Variants in ANKRD31 observed in about 807,000 individuals in gnomAD.
ANKRD31 encodes the protein ankyrin repeat domain-containing protein 31.
Under a neutral mutation model 186.0 loss-of-function variants are expected in ANKRD31, and 147 were observed. That is an observed-to-expected ratio of 0.79 (90% CI 0.69 to 0.91). ANKRD31 has a LOEUF of 0.91. ANKRD31 is among the 40% of genes least tolerant of loss of function. ANKRD31 has a pLI of 0.00. For missense variants in ANKRD31, 1,986 were observed against 2,148.8 expected (o/e 0.92, Z 1.50); for synonymous variants, 673 against 736.4 (o/e 0.91, Z 1.39).
At chr5:75,098,125 T>C (rs891136500) in intron 22 of ANKRD31, among the ~76,000 whole-genome samples, 2 of 152,054 alleles carry the variant, frequency 1.3e-5, no homozygotes, top group African/African-American at 4.8e-5. Context: ...CCCGAGTAGC[T>C]GGGACTACAG....
intron 25 of ANKRD31, among the ~76,000 whole-genome samples, chr5:75,076,637 C>T (rs1744672630): frequency 6.6e-6 from 1 of 152,290 alleles, no homozygotes; most frequent in Non-Finnish European, 1.5e-5. Context: ...AAATCTTTAG[C>T]CCCTCTCTCC....
intron 17 of ANKRD31, among the ~76,000 whole-genome samples, chr5:75,122,791 A>G (rs777234340): frequency 6.6e-6 from 1 of 152,150 alleles, no homozygotes; most frequent in East Asian, 1.9e-4. Context: ...ACCTCAAAAT[A>G]ATAAAGGCCA....
At chr5:75,071,749 C>T (rs1255140414) in intron 25 of ANKRD31, among the ~76,000 whole-genome samples, 2 of 152,072 alleles carry the variant, frequency 1.3e-5, no homozygotes, top group Non-Finnish European at 1.5e-5. Flanking sequence ...CTGCCCACCT[C>T]GGCCTCCCAA....
chr5:75,092,828 A>T (rs1204315906), intron 22 of ANKRD31, among the ~76,000 whole-genome samples: 1 of 152,206 alleles, frequency 6.6e-6, no homozygotes, highest in Non-Finnish European at 1.5e-5. Flanking sequence ...TGTTCAAGGA[A>T]CTAAAGAAAA....
chr5:75,119,735 T>C (rs1748599489), intron 17 of ANKRD31, among the ~76,000 whole-genome samples: 1 of 152,230 alleles, frequency 6.6e-6, no homozygotes, highest in Non-Finnish European at 1.5e-5. Flanking sequence ...TTCTCTTTTC[T>C]TCACAACCTT....
intron 25 of ANKRD31, among the ~76,000 whole-genome samples, chr5:75,076,418 A>T (rs960494203): frequency 6.6e-6 from 1 of 152,198 alleles, no homozygotes; most frequent in African/African-American, 2.4e-5. Context: ...TTACTGGTTT[A>T]TTATAGAAGA....
At chr5:75,139,167 C>T (rs1027745738) in intron 15 of ANKRD31, among the ~76,000 whole-genome samples, 184 bp from the exon 16 acceptor site, 4 of 152,154 alleles carry the variant, frequency 2.6e-5, no homozygotes, top group Non-Finnish European at 4.4e-5. Context: ...CATCTAAGCA[C>T]ATTACTTTGT....
At chr5:75,117,631 T>G (rs1748408651) in intron 18 of ANKRD31, among the ~76,000 whole-genome samples, 1 of 43,546 alleles carries the variant, frequency 2.3e-5, no homozygotes, top group Non-Finnish European at 3.5e-5. Context: ...AGTCAAGGTT[T>G]GAGCATGAGG....
intron 17 of ANKRD31, among the ~76,000 whole-genome samples, chr5:75,135,163 C>T (rs1750460763): frequency 6.6e-6 from 1 of 152,080 alleles, no homozygotes; most frequent in South Asian, 2.1e-4. Flanking sequence ...GAAGTTCTGG[C>T]CAGGGCAATC....
rs1750800921 is a variant in ANKRD31, at chr5:75,138,826, T to G, written c.3733+20A>C. The G allele has an allele frequency of 1.3e-6, 2 of 1,531,514 alleles. No homozygotes were observed. Among genetic ancestry groups the G allele is most frequent in the Non-Finnish European group, 1.7e-6 (2 of 1,144,064 alleles). The allele number at this position is 1,531,514 out of a possible 1,614,324, so 94.9% of individuals were successfully genotyped here. On this transcript the variant is annotated intron_variant, in intron 16 of 25. Transcript: ENST00000506364. The stretch of plus-strand genomic sequence containing the variant: ...AGTGAGTTCAAATTATAAAGGTAAT[T>G]AAATTAAAAGGATCCAAACCTGCAT...
At position 75,080,601 on chromosome 5, in the gene ANKRD31, T is replaced by C; in HGVS notation, c.5614A>G (p.Lys1872Glu). Residue 1872 changes from lysine to glutamate, a missense_variant, in exon 25 of 26, where the codon AAA (lysine) becomes GAA (glutamate). By Grantham distance (56) the Lys-to-Glu change is moderately conservative (BLOSUM62 1). Coordinates refer to ENST00000506364, the MANE Select transcript of ANKRD31 (RefSeq NM_001372053.1). ...CLDDPVQEPN[K>E]SMFEKTKFGQ... ...AATTTTGTTTTCTCAAACATTGATT[T>C]GTTTGGTTCCTGTACTGGGTCATCT... The C allele has an allele frequency of 6.5e-7, 1 of 1,530,478 alleles. No individual in the cohort carries two copies. Among genetic ancestry groups the C allele is most frequent in the South Asian group, 1.2e-5 (1 of 81,408 alleles). 94.8% of individuals were successfully genotyped at this position (1,530,478 alleles called of 1,614,324 possible). A position where few individuals can be genotyped will look rare whatever the true frequency, so the allele number is the denominator to read the frequency against.
intron 4 of ANKRD31, among the ~76,000 whole-genome samples, chr5:75,210,360 G>A (rs1197792641): frequency 6.6e-6 from 1 of 152,160 alleles, no homozygotes; most frequent in Non-Finnish European, 1.5e-5. Flanking sequence ...TTTTATTAGA[G>A]ATGGGGTTTC....
At chr5:75,118,583 C>A (rs1748489860) in intron 17 of ANKRD31, among the ~76,000 whole-genome samples, 1 of 152,042 alleles carries the variant, frequency 6.6e-6, no homozygotes, top group Non-Finnish European at 1.5e-5. Context: ...TCGGTACTGC[C>A]CAGTAGAATT....
Position 75,182,864 on chromosome 5 carries a change from A to G in ANKRD31, c.1564+5629T>C, listed in dbSNP as rs367704252. Among the ~76,000 whole-genome samples the G allele has an allele frequency of 2.0e-5, 3 of 152,330 alleles. No homozygotes were observed. In the South Asian group the frequency reaches 6.2e-4, roughly 32 times the overall value. On this transcript the variant is annotated intron_variant, in intron 10 of 25. Transcript: ENST00000506364. The stretch of plus-strand genomic sequence containing the variant: ...ATATGGCTTCCAAGGAAAAGCCAGT[A>G]TCCTATTTTAAAGTTACTGAAGAAA...
chr5:75,198,632 T>C (rs1033682990), intron 6 of ANKRD31, among the ~76,000 whole-genome samples: 2 of 152,158 alleles, frequency 1.3e-5, no homozygotes, highest in South Asian at 2.1e-4. Context: ...ATATAGTTAG[T>C]AAATAATGAG....
chr5:75,091,468 G>T (rs1401313252), intron 22 of ANKRD31, 67 bp from the exon 23 acceptor site: 3 of 1,452,720 alleles, frequency 2.1e-6, no homozygotes, highest in Middle Eastern at 1.8e-4. Flanking sequence ...TTTGCTTCTG[G>T]CCATGACAAA....
At chr5:75,219,088 A>G (rs1462667265) in intron 3 of ANKRD31, among the ~76,000 whole-genome samples, 2 of 152,196 alleles carry the variant, frequency 1.3e-5, no homozygotes, top group Non-Finnish European at 2.9e-5. Context: ...CAAAATAAGG[A>G]TGCCCTCTCT....
At chr5:75,086,346 CAG>C (rs1367486354) in intron 23 of ANKRD31, among the ~76,000 whole-genome samples, 7 of 152,240 alleles carry the variant, frequency 4.6e-5, no homozygotes, top group South Asian at 4.1e-4. Context: ...TCAGAATGAA[CAG>C]ACACTAGATC....
intron 22 of ANKRD31, among the ~76,000 whole-genome samples, chr5:75,095,693 T>C (rs187601621): frequency 1.2e-3 from 182 of 152,328 alleles, no homozygotes; most frequent in Non-Finnish European, 2.3e-3. Flanking sequence ...TAATCTTTAT[T>C]TAATAACATC....
Sources: allele counts gnomAD v4.1 joint callset (sites outside exome capture counted in the v4.1 genomes callset), GRCh38; gene constraint gnomAD v4.1.1; transcripts MANE v1.5; gene names NCBI Gene and HGNC (gene_info 2026-07-23, HGNC 2026-07-21).